The following RNF43 variants were observed in gnomAD, a reference collection of about 807,000 sequenced individuals.
RNF43 encodes the protein ring finger protein 43.
RNF43 carries 37 observed loss-of-function variants against 78.4 expected under a neutral mutation model. The observed-to-expected ratio is 0.47, with a 90% CI of 0.36 to 0.62. RNF43 has a LOEUF of 0.62. RNF43 is among the 20% of genes least tolerant of loss of function. The pLI is 0.00. For missense variants in RNF43, 774 were observed against 1,007.9 expected, an observed-to-expected ratio of 0.77 and a Z score of 3.14; for synonymous variants, 347 against 395.0, an observed-to-expected ratio of 0.88 and a Z score of 1.44.
chr17:58,410,549 A>G (rs1249738246), intron 2 of RNF43, among the ~76,000 whole-genome samples: 1 of 152,248 alleles, frequency 6.6e-6, no homozygotes, highest in Non-Finnish European at 1.5e-5. Context: ...TCAAAACAAA[A>G]TCACAAAATT....
In RNF43 at chr17:58,360,969, T is replaced by C. The variant is rs369378022; in HGVS notation, c.688-25A>G. On this transcript the variant is annotated intron_variant, in intron 6 of 9. Coordinates refer to ENST00000407977, the MANE Select transcript of RNF43 (RefSeq NM_017763.6). The surrounding 1 kb of genome is among the most constrained non-coding windows in gnomAD (Gnocchi z 4.3). Reference sequence around the variant, plus strand: ...CCTGGGAAGAGGAATGGGGCTCAGATTGGGGCATGGGCTCCCCTTCCCTCC... The same window carrying C: ...CCTGGGAAGAGGAATGGGGCTCAGACTGGGGCATGGGCTCCCCTTCCCTCC... 30 of 1,528,680 alleles carry C rather than the reference T, an allele frequency of 2.0e-5. No homozygotes were observed. The highest frequency in any genetic ancestry group is 5.8e-5 in the Admixed American group (3 of 51,284). 94.7% of individuals were successfully genotyped at this position (1,528,680 alleles called of 1,614,324 possible). A position where few individuals can be genotyped will look rare whatever the true frequency, so the allele number is the denominator to read the frequency against.
rs140921068 is a variant in RNF43, at chr17:58,415,706, G to A, written c.-129C>T. The A allele has an allele frequency of 3.6e-5, 41 of 1,126,376 alleles. No individual in the cohort carries two copies. The highest frequency in any genetic ancestry group is 3.3e-4 in the East Asian group (13 of 39,014). 69.8% of individuals were successfully genotyped at this position (1,126,376 alleles called of 1,614,324 possible). A position where few individuals can be genotyped will look rare whatever the true frequency, so the allele number is the denominator to read the frequency against. On this transcript the variant is annotated 5_prime_UTR_variant, in exon 2 of 10. The change creates a new upstream start codon in the 5' untranslated region. Transcript: ENST00000407977. ...TGCTTCCGTTTCAGAAAGCCAAGTC[G>A]TAGTTTTGGCCCTTCCTTTCTCTAA...
At chr17:58,377,344 C>T (rs1214913212) in intron 2 of RNF43, among the ~76,000 whole-genome samples, 2 of 152,142 alleles carry the variant, frequency 1.3e-5, no homozygotes, top group Non-Finnish European at 2.9e-5. Context: ...TGAACCCCTC[C>T]CCCGTTCTTT....
Position 58,357,571 on chromosome 17 carries a change from C to A in RNF43, c.2205G>T (p.Leu735=), listed in dbSNP as rs1420399794. The stretch of plus-strand genomic sequence containing the variant: ...GCCCCTCCCCAGGTGGATGTGGTTC[C>A]AGGGGCTGGCGAGGAGTCAGGCACA... ...VWLCLTPRQP[L]EPHPPGEGPS... Residue 735 remains leucine (L), a synonymous_variant, in exon 9 of 10, where the codon CTG becomes CTT. Transcript: ENST00000407977. The surrounding 1 kb of genome is among the most constrained non-coding windows in gnomAD (Gnocchi z 4.5). 1.1e-5 allele frequency: 18 copies of A among 1,614,092 alleles called. No individual in the cohort carries two copies. The highest frequency in any genetic ancestry group is 1.3e-5 in the African/African-American group (1 of 74,930).
intron 2 of RNF43, among the ~76,000 whole-genome samples, chr17:58,397,010 C>T (rs1266909652): frequency 6.6e-6 from 1 of 150,648 alleles, no homozygotes; most frequent in East Asian, 2.0e-4. Context: ...GATTTTCTAG[C>T]TTACCTTTAT....
At position 58,357,854 on chromosome 17, in the gene RNF43, T is replaced by C. The variant is rs1972725688; in HGVS notation, c.1922A>G (p.Asn641Ser). Residue 641 changes from asparagine to serine, a missense_variant, in exon 9 of 10, where the codon AAC becomes AGC. Asn to Ser is a conservative substitution (Grantham distance 46). Transcript: ENST00000407977. The surrounding 1 kb of genome is among the most constrained non-coding windows in gnomAD (Gnocchi z 4.5). ...GGCAGAGAGGCTGGATTTTTGCAAG[T>C]TGAACAGACTGCTGGTACTGGGGCA... ...SICPSTSSLF[N>S]LQKSSLSARH... The C allele has an allele frequency of 6.2e-7, 1 of 1,613,932 alleles. No individual in the cohort carries two copies. Among genetic ancestry groups the C allele is most frequent in the Non-Finnish European group, 8.5e-7 (1 of 1,179,988 alleles).
chr17:58,387,979 CCA>C (rs1973472446), intron 2 of RNF43, among the ~76,000 whole-genome samples: 1 of 151,244 alleles, frequency 6.6e-6, no homozygotes, highest in Non-Finnish European at 1.5e-5. Context: ...CTTCCCCCCA[CCA>C]CACACACCCC....
At chr17:58,380,564 AGT>A (rs1029978570) in intron 2 of RNF43, among the ~76,000 whole-genome samples, 1 of 152,222 alleles carries the variant, frequency 6.6e-6, no homozygotes, top group African/African-American at 2.4e-5. Flanking sequence ...GAATCAGATA[AGT>A]GTTTATTTTT....
At chr17:58,405,412 A>G (rs1370202489) in intron 2 of RNF43, among the ~76,000 whole-genome samples, 1 of 152,040 alleles carries the variant, frequency 6.6e-6, no homozygotes, top group Non-Finnish European at 1.5e-5. Context: ...AGCTACTTGA[A>G]GTTGCCTGGG....
intron 2 of RNF43, among the ~76,000 whole-genome samples, chr17:58,390,044 G>A (rs980176637): frequency 6.6e-6 from 1 of 152,144 alleles, no homozygotes; most frequent in East Asian, 1.9e-4. Flanking sequence ...AGCACATGAC[G>A]GGGTGCAGGG....
chr17:58,371,484 T>C (rs996698514), intron 2 of RNF43, among the ~76,000 whole-genome samples: 1 of 152,264 alleles, frequency 6.6e-6, no homozygotes, highest in African/African-American at 2.4e-5. Flanking sequence ...TGGGCAGTGC[T>C]GGATGCTGCT....
Position 58,357,426 on chromosome 17 carries a change from G to C in RNF43, c.2308+42C>G, listed in dbSNP as rs758906251. On this transcript the variant is annotated intron_variant, in intron 9 of 9. Coordinates refer to ENST00000407977, the MANE Select transcript of RNF43 (RefSeq NM_017763.6). The surrounding 1 kb of genome is among the most constrained non-coding windows in gnomAD (Gnocchi z 4.5). ...ACCTGTCCTGAAATATTCAGCTGTA[G>C]TCTCCTCTCCCTACCACACCCACTT... The C allele has an allele frequency of 8.1e-6, 13 of 1,612,826 alleles. No homozygotes were observed. The highest frequency in any genetic ancestry group is 1.1e-5 in the Non-Finnish European group (13 of 1,178,940).
Position 58,360,678 on chromosome 17 carries a change from A to G in RNF43, c.849+105T>C, listed in dbSNP as rs541466397. 3.3e-5 allele frequency: 41 copies of G among 1,238,852 alleles called. 1 individual carries two copies. In the South Asian group the frequency reaches 6.0e-4, roughly 18 times the overall value. The allele number at this position is 1,238,852 out of a possible 1,614,324, so 76.7% of individuals were successfully genotyped here. On this transcript the variant is annotated intron_variant, in intron 7 of 9. Coordinates refer to ENST00000407977, the MANE Select transcript of RNF43 (RefSeq NM_017763.6). This position sits in a 1 kb window ranked among gnomAD's most constrained non-coding sequence, Gnocchi z 4.3. Reference sequence around the variant, plus strand: ...GCCTCATGCAGGACACATGGGAAACAGATGTAGCCAGGGTACCCATACCAG... The same window carrying G: ...GCCTCATGCAGGACACATGGGAAACGGATGTAGCCAGGGTACCCATACCAG...
rs1305496274 is a variant in RNF43, at chr17:58,417,377, AAAG to A, written c.-749_-747del. On this transcript the variant is annotated 5_prime_UTR_variant, in exon 1 of 10. Transcript: ENST00000407977. ...TAAAATGATCAAGTCTTGAAAGAGA[AAAG>A]AAGCAAAGTAGCAAATACATCAACA... 2 of 152,256 alleles carry A rather than the reference AAAG, an allele frequency of 1.3e-5. No homozygotes were observed. The highest frequency in any genetic ancestry group is 2.9e-5 in the Non-Finnish European group (2 of 68,048). The allele number at this position is 152,256 out of a possible 1,614,324, so 9.4% of individuals were successfully genotyped here. A position where few individuals can be genotyped will look rare whatever the true frequency, so the allele number is the denominator to read the frequency against.
At chr17:58,385,221 T>C (rs1402996446) in intron 2 of RNF43, among the ~76,000 whole-genome samples, 3 of 152,238 alleles carry the variant, frequency 2.0e-5, no homozygotes, top group African/African-American at 7.2e-5. Context: ...GAGGTTCTTA[T>C]TCACTCCAGT....
chr17:58,370,426 A>G (rs546631272), intron 3 of RNF43, among the ~76,000 whole-genome samples: 11 of 152,316 alleles, frequency 7.2e-5, no homozygotes, highest in Non-Finnish European at 1.6e-4. Flanking sequence ...TAATATACAC[A>G]TTGAAAAGTC....
chr17:58,399,976 A>G (rs1973761737), intron 2 of RNF43, among the ~76,000 whole-genome samples: 1 of 152,122 alleles, frequency 6.6e-6, no homozygotes, highest in Admixed American at 6.6e-5. Context: ...TAAATTTTCA[A>G]AAAGGGAAGA....
At chr17:58,412,577 T>C (rs1353369172) in intron 2 of RNF43, among the ~76,000 whole-genome samples, 2 of 146,014 alleles carry the variant, frequency 1.4e-5, no homozygotes, top group Non-Finnish European at 3.0e-5. Flanking sequence ...AGCCATCAGA[T>C]AAAGTTGAGA....
chr17:58,354,883 G>C lies in RNF43; in HGVS notation c.*60C>G, dbSNP rs1304574646. ...TCCTTTCCCAGGAGCAGGACTCTGT[G>C]CCAGGTAGGGCCCAAACACATCTGG... On this transcript the variant is annotated 3_prime_UTR_variant, in exon 10 of 10. Coordinates refer to ENST00000407977, the MANE Select transcript of RNF43 (RefSeq NM_017763.6). 6.8e-7 allele frequency: 1 copy of C among 1,472,888 alleles called. No homozygotes were observed. The highest frequency in any genetic ancestry group is 1.4e-5 in the African/African-American group (1 of 72,064). 91.2% of individuals were successfully genotyped at this position (1,472,888 alleles called of 1,614,324 possible).
Sources: gnomAD v4.1 joint callset for allele counts (sites outside exome capture counted in the v4.1 genomes callset) on GRCh38, gnomAD v4.1.1 for gene constraint, Gnocchi (gnomAD v3.1) non-coding constraint, MANE v1.5 for transcripts, NCBI Gene and HGNC (gene_info 2026-07-23, HGNC 2026-07-21) for gene names.